Variants in STX2 observed in about 807,000 individuals in gnomAD.
STX2 encodes syntaxin-2.
In STX2, 27 loss-of-function variants were observed where a neutral mutation model predicts 40.6. The observed-to-expected ratio is 0.66, with a 90% CI of 0.49 to 0.92. STX2 has a LOEUF of 0.92. Among genes scored for constraint, STX2 ranks in the 40% least tolerant of loss-of-function variants. The pLI is 0.00. For synonymous variants in STX2, 123 were observed against 119.1 expected (o/e 1.03, Z -0.22); for missense variants, 328 against 366.1 (o/e 0.90, Z 0.85).
chr12:130,790,601 T>G lies in STX2; in HGVS notation c.*1422A>C, dbSNP rs1950853714. 6.6e-6 allele frequency: 1 copy of G among 152,240 alleles called. No homozygotes were observed. Among genetic ancestry groups the G allele is most frequent in the Non-Finnish European group, 1.5e-5 (1 of 68,038 alleles). The allele number at this position is 152,240 out of a possible 1,614,324, so 9.4% of individuals were successfully genotyped here. ...CATTTTGGAAATTAACTTTTAAAAG[T>G]TCAGCAAAACATTAGGTACTTAACA... On this transcript the variant is annotated 3_prime_UTR_variant, in exon 11 of 11. Transcript: ENST00000392373.
At chr12:130,835,628 T>C (rs1213677208) in intron 1 of STX2, among the ~76,000 whole-genome samples, 1 of 152,210 alleles carries the variant, frequency 6.6e-6, no homozygotes, top group Admixed American at 6.5e-5. Flanking sequence ...TCACTCTTCC[T>C]TCCCAGGCTG....
chr12:130,822,388 C>T (rs940011311), intron 2 of STX2, among the ~76,000 whole-genome samples: 2 of 151,506 alleles, frequency 1.3e-5, no homozygotes, highest in Non-Finnish European at 2.9e-5. Flanking sequence ...TGCACTCCAG[C>T]GTGGGCAACA....
intron 6 of STX2, among the ~76,000 whole-genome samples, chr12:130,804,804 T>C (rs1951367093): frequency 2.0e-5 from 3 of 152,186 alleles, no homozygotes; most frequent in East Asian, 1.9e-4. Flanking sequence ...ACGTATATGA[T>C]ACTTCATTGC....
chr12:130,827,220 A>C lies in STX2; in HGVS notation c.78T>G (p.Asp26Glu). 1 of 1,613,886 alleles carries C rather than the reference A, an allele frequency of 6.2e-7. No individual in the cohort carries two copies. Among genetic ancestry groups the C allele is most frequent in the Non-Finnish European group, 8.5e-7 (1 of 1,179,916 alleles). ...DGDTVVVVEK[D>E]HFMDDFFHQV... ...GATGGAAGAAATCATCCATGAAATGATCTTTCTCAACCACAACAACTGTGT... is the reference window on the plus strand; with the variant it reads ...GATGGAAGAAATCATCCATGAAATGCTCTTTCTCAACCACAACAACTGTGT... The change falls in exon 2 of 11, where the codon GAT becomes GAG. Residue 26 changes from aspartate to glutamate, a missense_variant. Transcript: ENST00000392373.
chr12:130,798,055 C>G (rs1257154876), intron 9 of STX2, among the ~76,000 whole-genome samples: 1 of 152,192 alleles, frequency 6.6e-6, no homozygotes, highest in East Asian at 1.9e-4. Flanking sequence ...CAAGACCAGC[C>G]TGGCCAACAT....
intron 8 of STX2, among the ~76,000 whole-genome samples, chr12:130,800,288 T>C (rs1483977349): frequency 6.6e-6 from 1 of 151,370 alleles, no homozygotes. Flanking sequence ...TACATACATA[T>C]ATATGTGTGT....
intron 1 of STX2, among the ~76,000 whole-genome samples, chr12:130,838,111 C>G (rs536503575): frequency 2.0e-5 from 3 of 152,272 alleles, no homozygotes; most frequent in African/African-American, 7.2e-5. Flanking sequence ...GGCCTTAGCA[C>G]CCCTGTTCTG....
chr12:130,818,809 A>C (rs1338380893), intron 3 of STX2, among the ~76,000 whole-genome samples: 1 of 152,172 alleles, frequency 6.6e-6, no homozygotes, highest in Non-Finnish European at 1.5e-5. Flanking sequence ...GGTGCAAGCC[A>C]GGCTGACGGC....
chr12:130,813,874 C>T lies in STX2; in HGVS notation c.206-843G>A, dbSNP rs537413848. Among the ~76,000 whole-genome samples, 48 of 152,320 alleles carry T rather than the reference C, an allele frequency of 3.2e-4. No individual in the cohort carries two copies. In the South Asian group the frequency reaches 8.9e-3, roughly 28 times the overall value. ...CGCCCCGTCTCTGGAGTCCTGTTGT[C>T]GTTTTAGAGAGTCCTGCACTTGCCT... On this transcript the variant is annotated intron_variant, in intron 3 of 10. Transcript: ENST00000392373.
chr12:130,810,903 G>T (rs1028831063), intron 4 of STX2: 3 of 152,178 alleles, frequency 2.0e-5, no homozygotes, highest in African/African-American at 7.2e-5. Context: ...TCGTCCTACA[G>T]AACCTGCCAC....
At chr12:130,834,729 T>C (rs1472871018) in intron 1 of STX2, among the ~76,000 whole-genome samples, 1 of 152,228 alleles carries the variant, frequency 6.6e-6, no homozygotes, top group African/African-American at 2.4e-5. Flanking sequence ...GTAGGAACTG[T>C]TTGTATGAGA....
chr12:130,797,950 G>A (rs1951082318), intron 9 of STX2, among the ~76,000 whole-genome samples: 1 of 152,180 alleles, frequency 6.6e-6, no homozygotes, highest in Non-Finnish European at 1.5e-5. Context: ...CATCAAATGT[G>A]TAGCCAACAA....
intron 4 of STX2, among the ~76,000 whole-genome samples, chr12:130,809,798 CAA>C (rs1951580110): frequency 6.6e-6 from 1 of 152,168 alleles, no homozygotes; most frequent in African/African-American, 2.4e-5. Context: ...GCCTAGGCGA[CAA>C]GAGCGAAACT....
At chr12:130,823,121 G>T (rs1231286911) in intron 2 of STX2, among the ~76,000 whole-genome samples, 3 of 152,114 alleles carry the variant, frequency 2.0e-5, no homozygotes, top group Non-Finnish European at 2.9e-5. Context: ...GGGCAACATA[G>T]AGAGACCCCC....
intron 4 of STX2, among the ~76,000 whole-genome samples, chr12:130,809,782 A>T (rs1951579291): frequency 6.6e-6 from 1 of 152,180 alleles, no homozygotes; most frequent in South Asian, 2.1e-4. Flanking sequence ...GTGCCATTGC[A>T]CTCCAGCCTA....
chr12:130,800,800 G>A, intron 8 of STX2, among the ~76,000 whole-genome samples: 1 of 152,118 alleles, frequency 6.6e-6, no homozygotes, highest in Non-Finnish European at 1.5e-5. Context: ...CATATGTACG[G>A]GCATACACAG....
intron 3 of STX2, among the ~76,000 whole-genome samples, chr12:130,818,926 C>T (rs548898017): frequency 2.0e-5 from 3 of 152,380 alleles, no homozygotes; most frequent in African/African-American, 7.2e-5. Flanking sequence ...TCCTGCAGGG[C>T]TGGATCCGCG....
At chr12:130,817,559 T>C (rs1951908311) in intron 3 of STX2, among the ~76,000 whole-genome samples, 1 of 151,610 alleles carries the variant, frequency 6.6e-6, no homozygotes, top group Admixed American at 6.6e-5. Context: ...ATGGCCAAAG[T>C]TTTTCAAAAA....
intron 1 of STX2, among the ~76,000 whole-genome samples, chr12:130,831,066 G>A (rs889371735): frequency 1.7e-4 from 26 of 152,190 alleles, no homozygotes; most frequent in Non-Finnish European, 2.9e-5. Context: ...TAGCTTCCTG[G>A]TTTAGAGACT....
Sources: allele counts gnomAD v4.1 joint callset (sites outside exome capture counted in the v4.1 genomes callset), GRCh38; gene constraint gnomAD v4.1.1; transcripts MANE v1.5; gene names NCBI Gene and HGNC (gene_info 2026-07-23, HGNC 2026-07-21).